GRID2: variants seen among roughly 807,000 people sequenced by gnomAD.
The protein encoded by GRID2 is glutamate ionotropic receptor delta type subunit 2.
Under a neutral mutation model 114.8 loss-of-function variants are expected in GRID2, and 33 were observed. The observed-to-expected ratio is 0.29, with a 90% CI of 0.22 to 0.38. GRID2 has a LOEUF of 0.38. Among genes scored for constraint, GRID2 ranks in the 10% least tolerant of loss-of-function variants. The probability of loss-of-function intolerance (pLI) is 1.00; values close to 1 mark genes in which losing one functional copy is unlikely to be tolerated. For synonymous variants in GRID2, 505 were observed against 449.9 expected, an observed-to-expected ratio of 1.12 and a Z score of -1.55; for missense variants, 1,184 against 1,257.7, an observed-to-expected ratio of 0.94 and a Z score of 0.89.
At chr4:92,458,121 C>T (rs1005692922) in intron 1 of GRID2, among the ~76,000 whole-genome samples, 1 of 152,108 alleles carries the variant, frequency 6.6e-6, no homozygotes, top group African/African-American at 2.4e-5. Flanking sequence ...GAAAAATGGT[C>T]ATGTCTTTTT....
chr4:93,628,050 T>C (rs1252580906), intron 14 of GRID2, among the ~76,000 whole-genome samples: 1 of 152,276 alleles, frequency 6.6e-6, no homozygotes, highest in East Asian at 1.9e-4. Flanking sequence ...GGTGCATGCC[T>C]GTAATCTCAG....
chr4:92,408,431 CTTTTTTTTTTTTT>C (rs35638036), intron 1 of GRID2, among the ~76,000 whole-genome samples: 18 of 19,430 alleles, frequency 9.3e-4, no homozygotes, highest in African/African-American at 2.4e-3. Flanking sequence ...TATTCAAGCT[CTTTTTTTTTTTTT>C]TTTTTTTTTT....
At chr4:93,463,194 C>A (rs1162404856) in intron 11 of GRID2, among the ~76,000 whole-genome samples, 3 of 151,800 alleles carry the variant, frequency 2.0e-5, no homozygotes, top group Non-Finnish European at 2.9e-5. Context: ...TTCTTCACAA[C>A]TAATAAAAAA....
chr4:92,861,845 A>C (rs138509741), intron 2 of GRID2, among the ~76,000 whole-genome samples: 35 of 152,032 alleles, frequency 2.3e-4, no homozygotes, highest in African/African-American at 8.4e-4. Context: ...AAATATTGCA[A>C]ATGTCCACCC....
intron 2 of GRID2, among the ~76,000 whole-genome samples, chr4:92,777,545 A>G (rs574550755): frequency 1.3e-5 from 2 of 152,182 alleles, no homozygotes; most frequent in East Asian, 3.9e-4. Context: ...CTTAAACGAG[A>G]TGATCTGGAC....
chr4:93,103,407 G>T (rs1427528762), intron 3 of GRID2, among the ~76,000 whole-genome samples: 1 of 151,996 alleles, frequency 6.6e-6, no homozygotes, highest in African/African-American at 2.4e-5. Context: ...CTTTTCTTAG[G>T]CCTGAAGGAC....
At chr4:93,111,086 G>C (rs1398408373) in intron 4 of GRID2, 133 bp downstream of exon 4, 4 of 635,986 alleles carry the variant, frequency 6.3e-6, no homozygotes, top group Middle Eastern at 5.6e-4. Flanking sequence ...CACTAATGGA[G>C]GTAGCATAGT....
chr4:92,949,274 T>A (rs570136272), intron 2 of GRID2, among the ~76,000 whole-genome samples: 2 of 152,154 alleles, frequency 1.3e-5, no homozygotes, highest in East Asian at 3.9e-4. Context: ...AATATCTATG[T>A]AATTATTAAA....
intron 2 of GRID2, among the ~76,000 whole-genome samples, chr4:93,010,783 T>C (rs750163730): frequency 9.9e-5 from 15 of 152,188 alleles, no homozygotes; most frequent in Non-Finnish European, 1.8e-4. Flanking sequence ...ATGTGACTTT[T>C]CAACATGTGG....
chr4:92,579,285 G>A (rs1252769895), intron 1 of GRID2, among the ~76,000 whole-genome samples: 1 of 152,000 alleles, frequency 6.6e-6, no homozygotes, highest in Non-Finnish European at 1.5e-5. Flanking sequence ...AAAGGCCACA[G>A]TGTATACTCT....
intron 8 of GRID2, among the ~76,000 whole-genome samples, chr4:93,362,306 G>A (rs1047208629): frequency 6.6e-6 from 1 of 152,032 alleles, no homozygotes; most frequent in African/African-American, 2.4e-5. Flanking sequence ...GCTTGTGGGT[G>A]TGTGGGGAGT....
intron 13 of GRID2, among the ~76,000 whole-genome samples, chr4:93,581,342 TAGAA>T (rs1476379905): frequency 2.0e-5 from 3 of 152,150 alleles, no homozygotes; most frequent in East Asian, 1.9e-4. Flanking sequence ...GTGAAAAAAG[TAGAA>T]AGAGTTATTT....
At chr4:93,779,449 G>T (rs1734437403), downstream of GRID2, among the ~76,000 whole-genome samples, 1 of 152,070 alleles carries the variant, frequency 6.6e-6, no homozygotes, top group African/African-American at 2.4e-5. Context: ...CCTCATGGTG[G>T]CCGGGGAGAG....
intron 2 of GRID2, among the ~76,000 whole-genome samples, chr4:92,718,746 G>C (rs1042489382): frequency 9.4e-6 from 1 of 106,270 alleles, no homozygotes; most frequent in African/African-American, 3.7e-5. Flanking sequence ...CTAGGCAACA[G>C]AGTAAGACCC....
At chr4:92,919,815 G>T (rs183808606) in intron 2 of GRID2, among the ~76,000 whole-genome samples, 3,007 of 152,268 alleles carry the variant, frequency 0.02, 42 homozygotes, top group Non-Finnish European at 0.026. Context: ...GTGCTGAGAA[G>T]AATGTATATT....
chr4:92,699,396 C>G (rs565137195), intron 2 of GRID2, among the ~76,000 whole-genome samples: 1 of 152,310 alleles, frequency 6.6e-6, no homozygotes, highest in African/African-American at 2.4e-5. Context: ...AGTCTTGCAT[C>G]TGCCATTTAA....
chr4:93,523,937 T>C (rs1424741396), intron 13 of GRID2, among the ~76,000 whole-genome samples: 1 of 152,094 alleles, frequency 6.6e-6, no homozygotes, highest in Middle Eastern at 3.2e-3. Context: ...ACCTTGCATG[T>C]CGGCCATATC....
intron 1 of GRID2, among the ~76,000 whole-genome samples, chr4:92,402,405 G>C (rs1730828879): frequency 6.6e-6 from 1 of 152,080 alleles, no homozygotes; most frequent in Non-Finnish European, 1.5e-5. Flanking sequence ...ACTTATGGCA[G>C]GTATCACCTT....
chr4:93,313,171 A>G (rs899324586), intron 8 of GRID2, among the ~76,000 whole-genome samples: 2 of 152,134 alleles, frequency 1.3e-5, no homozygotes, highest in African/African-American at 4.8e-5. Context: ...AAAAATCTGC[A>G]GGAAAAAGGG....
Sources: gnomAD v4.1 joint callset for allele counts (sites outside exome capture counted in the v4.1 genomes callset) on GRCh38, gnomAD v4.1.1 for gene constraint, MANE v1.5 for transcripts, NCBI Gene and HGNC (gene_info 2026-07-23, HGNC 2026-07-21) for gene names.